The following SETD5 variants were observed in gnomAD, a reference collection of about 807,000 sequenced individuals.
SETD5 encodes SET domain containing 5.
SETD5 carries 44 observed loss-of-function variants against 153.3 expected under a neutral mutation model. The ratio of observed to expected loss-of-function variants is 0.29; its 90% CI spans 0.23 to 0.37. The LOEUF (loss-of-function observed/expected upper bound fraction) is 0.37, where lower values mean the gene tolerates loss of function less well. Ranked by LOEUF, SETD5 falls within the 10% of genes least tolerant of loss-of-function variation. The pLI is 1.00. For synonymous variants in SETD5, 716 were observed against 645.2 expected (o/e 1.11, Z -1.66); for missense variants, 1,544 against 1,768.0 (o/e 0.87, Z 2.27).
chr3:9,429,156 A>C, intron 3 of SETD5, 147 bp downstream of exon 3: 1 of 416,960 alleles, frequency 2.4e-6, no homozygotes, highest in African/African-American at 2.1e-5. Context: ...CTTTACCCCC[A>C]TTGAAGGTGG....
At chr3:9,460,222 A>G (rs1371585535) in intron 17 of SETD5, among the ~76,000 whole-genome samples, 1 of 152,034 alleles carries the variant, frequency 6.6e-6, no homozygotes, top group African/African-American at 2.4e-5. Context: ...TGTTAATAAC[A>G]TTTAGATAAC....
chr3:9,461,782 C>T (rs1310943558), intron 17 of SETD5, among the ~76,000 whole-genome samples: 1 of 152,182 alleles, frequency 6.6e-6, no homozygotes, highest in East Asian at 1.9e-4. Context: ...CATCACTTAA[C>T]ATAATTGACT....
At chr3:9,445,322 A>G in intron 12 of SETD5, 22 bp downstream of exon 12, 1 of 1,591,404 alleles carries the variant, frequency 6.3e-7, no homozygotes, top group African/African-American at 1.3e-5. Context: ...TGGTCAAATG[A>G]TGATGCTATG....
chr3:9,412,364 C>G (rs2036693018), intron 1 of SETD5, among the ~76,000 whole-genome samples: 1 of 137,396 alleles, frequency 7.3e-6, no homozygotes, highest in Non-Finnish European at 1.5e-5. Flanking sequence ...AAATAAGGAG[C>G]AAACTACAGT....
At chr3:9,400,340 C>T (rs924537445) in intron 1 of SETD5, among the ~76,000 whole-genome samples, 1 of 151,996 alleles carries the variant, frequency 6.6e-6, no homozygotes, top group Non-Finnish European at 1.5e-5. Context: ...TTTAAAAACC[C>T]AAGTAATAAT....
chr3:9,470,778 A>T lies in SETD5; in HGVS notation c.3044A>T (p.Asp1015Val). 1.9e-6 allele frequency: 3 copies of T among 1,613,938 alleles called. No homozygotes were observed. Among genetic ancestry groups the T allele is most frequent in the South Asian group, 1.1e-5 (1 of 91,076 alleles). The change falls in exon 19 of 23, where the codon GAT becomes GTT. Residue 1015 changes from aspartate (D) to valine (V), a missense_variant. Asp to Val is a radical substitution (Grantham distance 152). Transcript: ENST00000402198. ...GGGGATAGGAAGCCTTTACATTTGG[A>T]TGGGGGATATTGTTCCCCTGCAGAA... ...LVGDRKPLHL[D>V]GGYCSPAEGF...
chr3:9,443,241 T>G lies in SETD5; in HGVS notation c.1078-67T>G, dbSNP rs953021309. On this transcript the variant is annotated intron_variant, in intron 10 of 22. Transcript: ENST00000402198. The stretch of plus-strand genomic sequence containing the variant: ...AACTCCAAATGGAGAGAAAGTATGG[T>G]TTTTTTCTCTCTTACGGAAAGTTCA... 9.5e-6 allele frequency: 11 copies of G among 1,152,060 alleles called. No homozygotes were observed. The African/African-American group carries it at 1.5e-4, about 16-fold the overall frequency. The allele number at this position is 1,152,060 out of a possible 1,614,324, so 71.4% of individuals were successfully genotyped here. A position where few individuals can be genotyped will look rare whatever the true frequency, so the allele number is the denominator to read the frequency against.
chr3:9,422,485 C>T (rs2038557318), intron 1 of SETD5, among the ~76,000 whole-genome samples: 1 of 151,908 alleles, frequency 6.6e-6, no homozygotes, highest in Admixed American at 6.6e-5. Context: ...CCACTGCCTC[C>T]CAAAAAGGTT....
chr3:9,424,095 A>C (rs9832810), intron 1 of SETD5, among the ~76,000 whole-genome samples: 2 of 151,968 alleles, frequency 1.3e-5, no homozygotes, highest in Non-Finnish European at 2.9e-5. Context: ...TAAAGAAAGA[A>C]CTCTGAATTT....
At chr3:9,410,793 T>C (rs2036443489) in intron 1 of SETD5, among the ~76,000 whole-genome samples, 1 of 151,342 alleles carries the variant, frequency 6.6e-6, no homozygotes, top group African/African-American at 2.4e-5. Flanking sequence ...ATGTGGAAAT[T>C]TCTGTTCTTT....
intron 17 of SETD5, among the ~76,000 whole-genome samples, chr3:9,461,802 A>T (rs1402836697): frequency 6.6e-6 from 1 of 152,222 alleles, no homozygotes; most frequent in Non-Finnish European, 1.5e-5. Flanking sequence ...TTTGATAGTT[A>T]TAGTGTTGGA....
At chr3:9,430,323 A>C in intron 3 of SETD5, 1 of 983,016 alleles carries the variant, frequency 1.0e-6, no homozygotes, top group Non-Finnish European at 1.2e-6. Context: ...ATTCTGGGGT[A>C]GTCTAAAATG....
At position 9,464,652 on chromosome 3, in the gene SETD5, A is replaced by G. The variant is rs760912618; in HGVS notation, c.2704A>G (p.Asn902Asp). The G allele has an allele frequency of 6.2e-7, 1 of 1,613,906 alleles. No individual in the cohort carries two copies. The highest frequency in any genetic ancestry group is 8.5e-7 in the Non-Finnish European group (1 of 1,179,910). Residue 902 changes from asparagine to aspartate, a missense_variant, in exon 18 of 23, where the codon AAC becomes GAC. Transcript: ENST00000402198. ...ATCTCTTACTACTGCTAGTCGCTGC[A>G]ACACTCCTCTACAGTTTGAGGTGAT... is the stretch of plus-strand genomic sequence containing the variant. ...VTSLTTASRC[N>D]TPLQFELCHR... is the part of the protein sequence containing the mutation.
At chr3:9,445,363 G>C (rs2041813227) in intron 12 of SETD5, 63 bp downstream of exon 12, 1 of 1,552,326 alleles carries the variant, frequency 6.4e-7, no homozygotes. Context: ...GAGGAACCCG[G>C]GTTGCCGCAT....
chr3:9,456,933 G>A (rs992446471), intron 17 of SETD5, among the ~76,000 whole-genome samples: 5 of 152,114 alleles, frequency 3.3e-5, no homozygotes, highest in African/African-American at 1.2e-4. Flanking sequence ...CCAAGGTCAC[G>A]CCACTGCACT....
chr3:9,445,875 A>G (rs2041879412), intron 13 of SETD5, 135 bp downstream of exon 13: 2 of 437,124 alleles, frequency 4.6e-6, no homozygotes, highest in Non-Finnish European at 7.9e-6. Flanking sequence ...TTTCCGTAAT[A>G]AAGATTTTAT....
At chr3:9,442,017 G>T (rs763835639) in intron 9 of SETD5, 111 bp from the exon 10 acceptor site, 1 of 773,252 alleles carries the variant, frequency 1.3e-6, no homozygotes, top group Non-Finnish European at 2.1e-6. Flanking sequence ...CCAAGTTTAG[G>T]CGTTGCAAAA....
chr3:9,403,379 G>A (rs1464366756), intron 1 of SETD5, among the ~76,000 whole-genome samples: 1 of 152,126 alleles, frequency 6.6e-6, no homozygotes, highest in African/African-American at 2.4e-5. Context: ...ATTAAGAAAT[G>A]GAAAAGAATA....
Position 9,475,576 on chromosome 3 carries a change from T to C in SETD5, c.3814T>C (p.Tyr1272His). ...AGGACATCCTACACAGTCTCCAGGA[T>C]ACAGTTATCGAACTACTGCACTGAG... is the stretch of plus-strand genomic sequence containing the variant. ...FRGHPTQSPGYSYRTTALRPG... is the reference protein window; with the variant it reads ...FRGHPTQSPGHSYRTTALRPG... The change falls in exon 23 of 23, where the codon TAC becomes CAC. Residue 1272 changes from tyrosine to histidine, a missense_variant. By Grantham distance (83) the Tyr-to-His change is moderately conservative. Transcript: ENST00000402198. The C allele has an allele frequency of 6.2e-7, 1 of 1,613,908 alleles. No homozygotes were observed. Among genetic ancestry groups the C allele is most frequent in the Non-Finnish European group, 8.5e-7 (1 of 1,179,884 alleles).
Sources: gnomAD v4.1 joint callset for allele counts (sites outside exome capture counted in the v4.1 genomes callset) on GRCh38, gnomAD v4.1.1 for gene constraint, MANE v1.5 for transcripts, NCBI Gene and HGNC (gene_info 2026-07-23, HGNC 2026-07-21) for gene names.